The following DHRSX variants were observed in gnomAD, a reference collection of about 807,000 sequenced individuals.
The protein encoded by DHRSX is dehydrogenase/reductase X-linked.
In DHRSX, 31 loss-of-function variants were observed where a neutral mutation model predicts 34.0. The ratio of observed to expected loss-of-function variants is 0.91; its 90% CI spans 0.69 to 1.23. The LOEUF (loss-of-function observed/expected upper bound fraction) is 1.23, where lower values mean the gene tolerates loss of function less well. DHRSX is among the 50% of genes most tolerant of loss of function. The pLI is 0.00. For missense variants in DHRSX, 414 were observed against 428.1 expected, an observed-to-expected ratio of 0.97 and a Z score of 0.29; for synonymous variants, 201 against 183.8, an observed-to-expected ratio of 1.09 and a Z score of -0.76.
intron 5 of DHRSX, among the ~76,000 whole-genome samples, chrX:2,254,674 G>C (rs2041251581): frequency 6.6e-6 from 1 of 152,056 alleles, no homozygotes; most frequent in African/African-American, 2.4e-5. Flanking sequence ...TTGAAACAGG[G>C]TCTCGCTCTG....
intron 3 of DHRSX, 105 bp from the exon 4 acceptor site, chrX:2,291,708 A>G: frequency 1.3e-6 from 1 of 784,646 alleles, no homozygotes; most frequent in Non-Finnish European, 2.2e-6. Flanking sequence ...AGGAAGTAAC[A>G]CTTTTTTTTT....
chrX:2,236,433 T>C (rs998142094), intron 6 of DHRSX, among the ~76,000 whole-genome samples: 1 of 152,034 alleles, frequency 6.6e-6, no homozygotes, highest in African/African-American at 2.4e-5. Context: ...AATTTCTTCT[T>C]ATTTTTTCTT....
chrX:2,319,330 G>A (rs1171630918), intron 3 of DHRSX, among the ~76,000 whole-genome samples: 2 of 151,402 alleles, frequency 1.3e-5, no homozygotes, highest in African/African-American at 2.4e-5. Context: ...AGATCACGAG[G>A]TCAGGAGTTG....
intron 1 of DHRSX, among the ~76,000 whole-genome samples, chrX:2,430,384 T>C (rs866473318): frequency 1.3e-5 from 2 of 151,992 alleles, no homozygotes; most frequent in South Asian, 4.2e-4. Flanking sequence ...GAAGTATGTA[T>C]GTACCCACAC....
intron 6 of DHRSX, among the ~76,000 whole-genome samples, chrX:2,236,561 A>C (rs958568320): frequency 4.6e-5 from 7 of 151,914 alleles, no homozygotes; most frequent in Non-Finnish European, 1.0e-4. Context: ...CCTCCCGAGT[A>C]GCTGGGATTA....
intron 3 of DHRSX, among the ~76,000 whole-genome samples, chrX:2,384,356 G>A (rs1177216722): frequency 6.6e-6 from 1 of 152,182 alleles, no homozygotes; most frequent in Non-Finnish European, 1.5e-5. Flanking sequence ...ATATTGGTGA[G>A]AACTAGCAGA....
chrX:2,253,986 G>T (rs62595493), intron 5 of DHRSX, among the ~76,000 whole-genome samples: 1 of 151,910 alleles, frequency 6.6e-6, no homozygotes, highest in Non-Finnish European at 1.5e-5. Context: ...GCGTGAACCC[G>T]GAAGGCGGAG....
intron 3 of DHRSX, among the ~76,000 whole-genome samples, chrX:2,318,955 C>T (rs1272356961): frequency 6.6e-6 from 1 of 152,140 alleles, no homozygotes; most frequent in Non-Finnish European, 1.5e-5. Flanking sequence ...AATTTCATTA[C>T]TTTGTGTGCC....
chrX:2,268,688 A>C (rs1337069592), intron 4 of DHRSX, among the ~76,000 whole-genome samples: 1 of 152,242 alleles, frequency 6.6e-6, no homozygotes, highest in Non-Finnish European at 1.5e-5. Context: ...ATGTATATAC[A>C]TGTCCATACA....
intron 3 of DHRSX, among the ~76,000 whole-genome samples, chrX:2,371,470 C>T (rs867493842): frequency 0.011 from 1,675 of 146,300 alleles, 45 homozygotes; most frequent in African/African-American, 0.041. Context: ...TCCTCGTTAC[C>T]ATAGACCCTC....
chrX:2,283,739 G>T (rs951253362), intron 4 of DHRSX, among the ~76,000 whole-genome samples: 6 of 152,190 alleles, frequency 3.9e-5, no homozygotes, highest in African/African-American at 1.4e-4. Flanking sequence ...GAACTCATTA[G>T]AATTCATTCA....
intron 3 of DHRSX, among the ~76,000 whole-genome samples, chrX:2,354,026 C>A (rs1421426969): frequency 6.6e-6 from 1 of 152,098 alleles, no homozygotes; most frequent in Non-Finnish European, 1.5e-5. Flanking sequence ...CTACATGACT[C>A]CAGCAAGACT....
rs1048326554 is a variant in DHRSX, at chrX:2,230,207, G to C, written c.805-8978C>G. 2.3e-4 allele frequency among the ~76,000 whole-genome samples: 31 copies of C among 132,010 alleles called. 1 individual carries two copies. Among genetic ancestry groups the C allele is most frequent in the Admixed American group, 6.9e-4 (9 of 13,126 alleles). 86.6% of individuals were successfully genotyped at this position (132,010 alleles called of 152,430 possible). ...TGTTTGCATCTATATGTGTGTATTT[G>C]TACATGTGTGCATGTATGTGTGCAT... On this transcript the variant is annotated intron_variant, in intron 6 of 6. Coordinates refer to ENST00000334651, the MANE Select transcript of DHRSX (RefSeq NM_145177.3).
intron 5 of DHRSX, among the ~76,000 whole-genome samples, chrX:2,247,010 G>A (rs1211289826): frequency 3.3e-5 from 5 of 151,976 alleles, no homozygotes; most frequent in South Asian, 4.2e-4. Flanking sequence ...GTGCAGTGGC[G>A]CCATCTCAGC....
chrX:2,252,958 G>C (rs1417174774), intron 5 of DHRSX, among the ~76,000 whole-genome samples: 1 of 152,230 alleles, frequency 6.6e-6, no homozygotes, highest in Non-Finnish European at 1.5e-5. Flanking sequence ...CACTAAGGCA[G>C]GCAGGTCGCT....
At chrX:2,255,708 C>G (rs771680615) in intron 5 of DHRSX, among the ~76,000 whole-genome samples, 23 of 151,642 alleles carry the variant, frequency 1.5e-4, no homozygotes, top group African/African-American at 5.3e-4. Context: ...GTCAGGAGTT[C>G]GAGACCAGCC....
chrX:2,497,859 A>AT (rs1363705897), intron 1 of DHRSX, among the ~76,000 whole-genome samples: 29 of 152,340 alleles, frequency 1.9e-4, no homozygotes, highest in Non-Finnish European at 2.9e-5. Context: ...ATTTCAGGCC[A>AT]TATCAATGTT....
At chrX:2,304,243 A>G (rs866825312) in intron 3 of DHRSX, among the ~76,000 whole-genome samples, 73 of 32,910 alleles carry the variant, frequency 2.2e-3, no homozygotes, top group Middle Eastern at 0.025. Context: ...ATGGATGGAT[A>G]AATGGATGGA....
intron 1 of DHRSX, among the ~76,000 whole-genome samples, chrX:2,425,841 G>C (rs927987223): frequency 1.3e-5 from 2 of 152,166 alleles, no homozygotes; most frequent in African/African-American, 4.8e-5. Context: ...AGTTTGGTCA[G>C]GTGGGAAGAC....
Sources: gnomAD v4.1 joint callset for allele counts (sites outside exome capture counted in the v4.1 genomes callset) on GRCh38, gnomAD v4.1.1 for gene constraint, MANE v1.5 for transcripts, NCBI Gene and HGNC (gene_info 2026-07-23, HGNC 2026-07-21) for gene names.